The following LRRTM4 variants were observed in gnomAD, a reference collection of about 807,000 sequenced individuals.
LRRTM4 encodes the protein leucine rich repeat transmembrane neuronal 4.
Under a neutral mutation model 47.6 loss-of-function variants are expected in LRRTM4, and 25 were observed. That is an observed-to-expected ratio of 0.53 (90% CI 0.38 to 0.73). The LOEUF (loss-of-function observed/expected upper bound fraction) is 0.73. Ranked by LOEUF, LRRTM4 falls within the 30% of genes least tolerant of loss-of-function variation. The pLI is 0.00. For synonymous variants in LRRTM4, 311 were observed against 269.5 expected (o/e 1.15, Z -1.51); for missense variants, 638 against 713.4 (o/e 0.89, Z 1.20).
intron 3 of LRRTM4, among the ~76,000 whole-genome samples, chr2:77,113,708 C>T (rs1671312921): frequency 6.6e-6 from 1 of 151,942 alleles, no homozygotes; most frequent in Non-Finnish European, 1.5e-5. Context: ...AAGAAGGGTA[C>T]AGAGAAGCAG....
chr2:77,312,766 A>G (rs973180462), intron 3 of LRRTM4, among the ~76,000 whole-genome samples: 1 of 152,208 alleles, frequency 6.6e-6, no homozygotes, highest in African/African-American at 2.4e-5. Context: ...AAAAGAAAAA[A>G]AAAGCAAATA....
intron 3 of LRRTM4, among the ~76,000 whole-genome samples, chr2:76,996,147 A>C (rs1202077045): frequency 2.0e-5 from 3 of 152,092 alleles, no homozygotes; most frequent in African/African-American, 7.2e-5. Context: ...AATTCTGAAA[A>C]TTAAACATGT....
At chr2:77,197,450 C>G (rs976316415) in intron 3 of LRRTM4, among the ~76,000 whole-genome samples, 3 of 152,114 alleles carry the variant, frequency 2.0e-5, no homozygotes. Context: ...AGCAGCATCT[C>G]TTACTATTAT....
intron 3 of LRRTM4, among the ~76,000 whole-genome samples, chr2:77,198,515 C>T (rs976617086): frequency 2.6e-5 from 4 of 151,984 alleles, no homozygotes; most frequent in Non-Finnish European, 4.4e-5. Flanking sequence ...TCAGAAAGAC[C>T]GTTAAAATTA....
At chr2:76,926,813 G>A (rs1674602861) in intron 3 of LRRTM4, among the ~76,000 whole-genome samples, 1 of 152,074 alleles carries the variant, frequency 6.6e-6, no homozygotes, top group South Asian at 2.1e-4. Flanking sequence ...TATCCAGGCT[G>A]TAGTATTCTG....
intron 3 of LRRTM4, among the ~76,000 whole-genome samples, chr2:77,438,276 T>C (rs1244411969): frequency 6.6e-6 from 1 of 152,086 alleles, no homozygotes; most frequent in Non-Finnish European, 1.5e-5. Context: ...GTAACATGGA[T>C]TTAAAACTGT....
At chr2:76,786,226 C>A (rs113068192) in intron 3 of LRRTM4, among the ~76,000 whole-genome samples, 3 of 151,806 alleles carry the variant, frequency 2.0e-5, no homozygotes, top group Non-Finnish European at 4.4e-5. Context: ...GAACCATGAA[C>A]GATTAAAAAT....
At chr2:76,938,920 A>C (rs1180772451) in intron 3 of LRRTM4, among the ~76,000 whole-genome samples, 1 of 152,074 alleles carries the variant, frequency 6.6e-6, no homozygotes, top group East Asian at 1.9e-4. Context: ...TAGTCTTATG[A>C]GATTTCAAAC....
chr2:77,345,375 G>A (rs1671525395), intron 3 of LRRTM4, among the ~76,000 whole-genome samples: 1 of 151,676 alleles, frequency 6.6e-6, no homozygotes, highest in Non-Finnish European at 1.5e-5. Context: ...CCAAAGTGTG[G>A]AAAAAATATT....
At chr2:77,098,244 C>A (rs1462388005) in intron 3 of LRRTM4, among the ~76,000 whole-genome samples, 1 of 152,018 alleles carries the variant, frequency 6.6e-6, no homozygotes, top group Non-Finnish European at 1.5e-5. Flanking sequence ...CTTGGGAGAA[C>A]TTATCCTGTC....
At chr2:77,014,021 A>G (rs903771761) in intron 3 of LRRTM4, among the ~76,000 whole-genome samples, 8 of 152,182 alleles carry the variant, frequency 5.3e-5, no homozygotes, top group African/African-American at 1.9e-4. Flanking sequence ...TATGGGAACT[A>G]AAGTGAATAA....
chr2:77,014,060 G>A (rs1677967942), intron 3 of LRRTM4, among the ~76,000 whole-genome samples: 1 of 152,176 alleles, frequency 6.6e-6, no homozygotes, highest in Non-Finnish European at 1.5e-5. Context: ...TGAGTATGAT[G>A]AGAGAGTATG....
intron 3 of LRRTM4, among the ~76,000 whole-genome samples, chr2:77,215,876 T>C (rs1674421358): frequency 1.3e-5 from 2 of 152,154 alleles, no homozygotes; most frequent in Non-Finnish European, 2.9e-5. Context: ...TAATAATGAG[T>C]ATATGTTTAT....
At chr2:77,091,064 G>A (rs994140147) in intron 3 of LRRTM4, among the ~76,000 whole-genome samples, 1 of 152,038 alleles carries the variant, frequency 6.6e-6, no homozygotes, top group African/African-American at 2.4e-5. Flanking sequence ...CAACTCTGGT[G>A]CCAGCTGAGA....
intron 3 of LRRTM4, among the ~76,000 whole-genome samples, chr2:77,069,101 G>A (rs1680061227): frequency 6.6e-6 from 1 of 152,050 alleles, no homozygotes; most frequent in South Asian, 2.1e-4. Context: ...AAATACATGG[G>A]TAAATCTCTA....
At chr2:76,757,961 TG>T (rs1307074336) in intron 3 of LRRTM4, among the ~76,000 whole-genome samples, 1 of 152,160 alleles carries the variant, frequency 6.6e-6, no homozygotes, top group Non-Finnish European at 1.5e-5. Flanking sequence ...AAAGCAGGAA[TG>T]CCAGTACTAA....
intron 3 of LRRTM4, among the ~76,000 whole-genome samples, chr2:76,815,077 T>C (rs1996426): frequency 6.6e-6 from 1 of 151,970 alleles, no homozygotes; most frequent in Non-Finnish European, 1.5e-5. Context: ...CTAAAAATGT[T>C]CTGCCTTTCG....
Position 76,801,999 on chromosome 2 carries a change from C to A in LRRTM4, c.1552-53083G>T, listed in dbSNP as rs914391449. Among the ~76,000 whole-genome samples, 3 of 151,996 alleles carry A rather than the reference C, an allele frequency of 2.0e-5. No homozygotes were observed. The South Asian group carries it at 6.2e-4, about 32-fold the overall frequency. ...ACAGAATAAAGGCAGTATATGGCAA[C>A]CCCATTGCTAACATCATATTCAACG... is the stretch of plus-strand genomic sequence containing the variant. On this transcript the variant is annotated intron_variant, in intron 3 of 3. Transcript: ENST00000409884.
At chr2:76,952,147 G>A (rs2103889064) in intron 3 of LRRTM4, among the ~76,000 whole-genome samples, 1 of 152,040 alleles carries the variant, frequency 6.6e-6, no homozygotes, top group African/African-American at 2.4e-5. Flanking sequence ...TAGGCTTTTG[G>A]CAAAGTCTTT....
Sources: allele counts gnomAD v4.1 joint callset (sites outside exome capture counted in the v4.1 genomes callset), GRCh38; gene constraint gnomAD v4.1.1; transcripts MANE v1.5; gene names NCBI Gene and HGNC (gene_info 2026-07-23, HGNC 2026-07-21).